Variants in BFSP1 observed in about 807,000 individuals in gnomAD.
The protein encoded by BFSP1 is beaded filament structural protein 1, also known as filensin.
A neutral mutation model predicts 43.9 loss-of-function variants in BFSP1; 38 were observed. The ratio of observed to expected loss-of-function variants is 0.87; its 90% confidence interval spans 0.67 to 1.14. The LOEUF (loss-of-function observed/expected upper bound fraction) is 1.14, where lower values mean the gene tolerates loss of function less well. Ranked by LOEUF, BFSP1 falls within the 50% of genes most tolerant of loss-of-function variation. BFSP1 has a pLI of 0.00. For missense variants in BFSP1, 850 were observed against 875.1 expected (o/e 0.97, Z 0.36); for synonymous variants, 352 against 354.8 (o/e 0.99, Z 0.09).
intron 1 of BFSP1, among the ~76,000 whole-genome samples, chr20:17,546,718 C>G (rs986121345): frequency 7.9e-5 from 12 of 151,456 alleles, no homozygotes; most frequent in Admixed American, 7.9e-4. Flanking sequence ...ACAAAAAAAA[C>G]AAAGAAGAAA....
Position 17,548,224 on chromosome 20 carries a change from A to T in BFSP1, c.2+10464T>A, listed in dbSNP as rs59081383. ...AGAAAAACCCTCAAAAACGACAGACAAGGCTAGAATCTAATAGCATGTGTA... is the reference window on the plus strand; with the variant it reads ...AGAAAAACCCTCAAAAACGACAGACTAGGCTAGAATCTAATAGCATGTGTA... On this transcript the variant is annotated intron_variant, in intron 1 of 7. Transcript: ENST00000377868. Among the ~76,000 whole-genome samples, 530 of 151,664 alleles carry T rather than the reference A, an allele frequency of 3.5e-3. 1 individual carries two copies. The highest frequency in any genetic ancestry group is 0.012 in the African/African-American group (500 of 41,408).
intron 1 of BFSP1, among the ~76,000 whole-genome samples, chr20:17,529,573 A>G (rs2034490034): frequency 6.6e-6 from 1 of 152,184 alleles, no homozygotes; most frequent in Admixed American, 6.5e-5. Flanking sequence ...GCAAGCAAAA[A>G]AAAAACTCTA....
chr20:17,521,474 C>T (rs1488970710), intron 2 of BFSP1, among the ~76,000 whole-genome samples: 1 of 152,206 alleles, frequency 6.6e-6, no homozygotes, highest in African/African-American at 2.4e-5. Flanking sequence ...TGAATCCCTT[C>T]CACAAGTCAG....
At position 17,498,853 on chromosome 20, in the gene BFSP1, C is replaced by A. The variant is rs766607722; in HGVS notation, c.923G>T (p.Arg308Leu). 6.2e-7 allele frequency: 1 copy of A among 1,613,288 alleles called. No homozygotes were observed. Among genetic ancestry groups the A allele is most frequent in the African/African-American group, 1.3e-5 (1 of 74,886 alleles). ...AQQTLKNELD[R>L]YHRIIEIEGN... ...TTCAATCTCGATGATACGATGATAC[C>A]GGTCCAGCTCATTCTTCAGGGTTTG... Residue 308 changes from arginine (R) to leucine (L), a missense_variant, in exon 6 of 8, where the codon CGG becomes CTG. Physicochemically the swap from Arg to Leu is moderately radical, Grantham distance 102. Coordinates refer to ENST00000377873, the MANE Select transcript of BFSP1 (RefSeq NM_001195.5).
chr20:17,505,677 C>T (rs1208839058), intron 5 of BFSP1, among the ~76,000 whole-genome samples: 1 of 152,248 alleles, frequency 6.6e-6, no homozygotes, highest in African/African-American at 2.4e-5. Context: ...AGGCCCAAGC[C>T]TGGGACACAG....
At chr20:17,556,938 G>T (rs2035002093) in intron 1 of BFSP1, among the ~76,000 whole-genome samples, 1 of 152,054 alleles carries the variant, frequency 6.6e-6, no homozygotes, top group African/African-American at 2.4e-5. Context: ...TTTTAATGGT[G>T]TTTGGCTCAC....
chr20:17,516,710 G>T (rs1159617663), intron 2 of BFSP1: 1 of 256,874 alleles, frequency 3.9e-6, no homozygotes, highest in East Asian at 8.9e-5. Context: ...CTACCCAAGA[G>T]AACTGAAGAT....
chr20:17,508,768 C>T (rs1016211), intron 5 of BFSP1, 121 bp downstream of exon 5: 1 of 985,296 alleles, frequency 1.0e-6, no homozygotes. Context: ...CCGTTTCTGC[C>T]AGGAACATAG....
chr20:17,509,093 C>T (rs2034014092), intron 4 of BFSP1, 97 bp from the exon 5 acceptor site: 2 of 847,120 alleles, frequency 2.4e-6, no homozygotes, highest in Non-Finnish European at 3.4e-6. Context: ...TATCCGTGTC[C>T]CCCTGAATTC....
Position 17,507,805 on chromosome 20 carries a change from C to T in BFSP1, c.735+1084G>A, listed in dbSNP as rs1053197406. ...GGAGTTTTAAGTGCCTTACTTGGTT[C>T]CTCCTGCTGCGATCGTCAGTTCAGG... On this transcript the variant is annotated intron_variant, in intron 5 of 7. Transcript: ENST00000377873. The surrounding 1 kb of genome is among the most constrained non-coding windows in gnomAD (Gnocchi z 4.4). 2.0e-5 allele frequency among the ~76,000 whole-genome samples: 3 copies of T among 152,180 alleles called. No individual in the cohort carries two copies. The highest frequency in any genetic ancestry group is 7.2e-5 in the African/African-American group (3 of 41,432).
intron 5 of BFSP1, among the ~76,000 whole-genome samples, chr20:17,502,089 G>T (rs1237051547): frequency 6.6e-6 from 1 of 152,080 alleles, no homozygotes; most frequent in African/African-American, 2.4e-5. Flanking sequence ...GAGAGCGGCT[G>T]CCTCAGCTCC....
At chr20:17,503,736 C>T (rs181957671) in intron 5 of BFSP1, among the ~76,000 whole-genome samples, 3 of 152,190 alleles carry the variant, frequency 2.0e-5, no homozygotes, top group South Asian at 2.1e-4. Context: ...CACACACGTG[C>T]GTGCACACAC....
intron 1 of BFSP1, among the ~76,000 whole-genome samples, chr20:17,528,316 C>G (rs2034464002): frequency 6.6e-6 from 1 of 152,208 alleles, no homozygotes. Context: ...AACTCAGAAC[C>G]AAGTGCAATC....
chr20:17,537,734 T>A (rs765596359), intron 1 of BFSP1, among the ~76,000 whole-genome samples: 3 of 152,102 alleles, frequency 2.0e-5, no homozygotes, highest in Non-Finnish European at 4.4e-5. Context: ...TGATGACAAT[T>A]GATGAAATTT....
At chr20:17,506,716 G>A (rs1429628684) in intron 5 of BFSP1, 1 of 151,726 alleles carries the variant, frequency 6.6e-6, no homozygotes, top group African/African-American at 2.4e-5. Flanking sequence ...GTAGAGGTGG[G>A]GTTTCGTCAT....
rs1455722021 is a variant in BFSP1, at chr20:17,508,998, T to G, written c.628-2A>C. The G allele has an allele frequency of 1.3e-6, 2 of 1,567,370 alleles. No homozygotes were observed. The highest frequency in any genetic ancestry group is 1.9e-5 in the Admixed American group (1 of 53,268). On this transcript the variant is annotated splice_acceptor_variant, in intron 4 of 7. Coordinates refer to ENST00000377873, the MANE Select transcript of BFSP1 (RefSeq NM_001195.5). LOFTEE classifies it high-confidence loss of function. ...CTCCCGCTCCGTCAGGAGCTTCTCC[T>G]GCACAGAGAAGGCCAGAGTCAGACT...
chr20:17,494,841 T>TA lies in BFSP1; in HGVS notation c.1230dup (p.Lys411Ter), dbSNP rs1568676356. On this transcript the variant is annotated frameshift_variant, in exon 8 of 8. Transcript: ENST00000377873. LOFTEE classifies it low-confidence loss of function (END_TRUNC). The stretch of plus-strand genomic sequence containing the variant: ...ACTTCTTTACTTTCTGATTCAAACT[T>TA]AGATTCACTTTCCTCTTTAAGTACC... 1 of 1,614,234 alleles carries TA rather than the reference T, an allele frequency of 6.2e-7. No individual in the cohort carries two copies. Among genetic ancestry groups the TA allele is most frequent in the East Asian group, 2.2e-5 (1 of 44,880 alleles).
chr20:17,518,538 A>G (rs1219565417), intron 2 of BFSP1, among the ~76,000 whole-genome samples: 2 of 152,198 alleles, frequency 1.3e-5, no homozygotes, highest in African/African-American at 4.8e-5. Context: ...TTCCTACCGC[A>G]GGGGAAGTGG....
upstream of BFSP1, among the ~76,000 whole-genome samples, chr20:17,533,699 TG>T (rs906250594): frequency 1.8e-4 from 28 of 152,212 alleles, no homozygotes; most frequent in African/African-American, 6.8e-4. Context: ...GGCAAGGGTG[TG>T]GGTGGATAAT....
Sources: gnomAD v4.1 joint callset for allele counts (sites outside exome capture counted in the v4.1 genomes callset) on GRCh38, gnomAD v4.1.1 for gene constraint, Gnocchi (gnomAD v3.1) non-coding constraint, MANE v1.5 for transcripts, NCBI Gene and HGNC (gene_info 2026-07-23, HGNC 2026-07-21) for gene names.